Variants in CILK1 observed in about 807,000 individuals in gnomAD.
The protein encoded by CILK1 is ciliogenesis associated kinase 1.
CILK1 carries 47 observed loss-of-function variants against 79.2 expected under a neutral mutation model. The ratio of observed to expected loss-of-function variants is 0.59; its 90% CI spans 0.47 to 0.76. The LOEUF (loss-of-function observed/expected upper bound fraction) is 0.76, where lower values mean the gene tolerates loss of function less well. Among genes scored for constraint, CILK1 ranks in the 30% least tolerant of loss-of-function variants. The pLI is 0.00. For synonymous variants in CILK1, 266 were observed against 275.9 expected (o/e 0.96, Z 0.36); for missense variants, 660 against 769.5 (o/e 0.86, Z 1.68).
rs780177466 is a variant in CILK1 at position 53,013,781 on chromosome 6, G to A, written c.1033C>T (p.Leu345=). 27 of 1,614,046 alleles carry A rather than the reference G, an allele frequency of 1.7e-5. 1 individual carries two copies. Among genetic ancestry groups the A allele is most frequent in the South Asian group, 4.4e-5 (4 of 91,072 alleles). The change falls in exon 9 of 14, where the codon CTG becomes TTG. Residue 345 remains leucine, a synonymous_variant. Transcript: ENST00000676107. ...SRQHQASQPP[L]HLTYPYKAEV... is the part of the protein sequence containing the mutation. ...GCTTTGTAGGGGTACGTGAGATGCA[G>A]AGGGGGCTGGCTGGCTTGATGCTGT...
chr6:53,018,420 T>C lies in CILK1; in HGVS notation c.573A>G (p.Ala191=). Residue 191 remains alanine (A), a synonymous_variant, in exon 7 of 14, where the codon GCA becomes GCG. Coordinates refer to ENST00000676107, the MANE Select transcript of CILK1 (RefSeq NM_014920.5). ...IDVWAVGCIM[A]EVYTLRPLFP... ...AGAGTGGCCTGAGGGTGTAAACTTC[T>C]GCCATGATGCAGCCCACCGCCCAGA... 3 of 1,614,190 alleles carry C rather than the reference T, an allele frequency of 1.9e-6. No individual in the cohort carries two copies. The highest frequency in any genetic ancestry group is 2.2e-5 in the South Asian group (2 of 91,084).
At chr6:53,044,264 G>T (rs569529255) in intron 1 of CILK1, among the ~76,000 whole-genome samples, 173 of 152,122 alleles carry the variant, frequency 1.1e-3, no homozygotes, top group Admixed American at 2.0e-3. Flanking sequence ...CAGCAGCGGC[G>T]GCATTAGATT....
chr6:53,045,890 A>C (rs1767046371), intron 1 of CILK1, among the ~76,000 whole-genome samples: 1 of 152,014 alleles, frequency 6.6e-6, no homozygotes, highest in Admixed American at 6.6e-5. Flanking sequence ...TTTTTAAAGA[A>C]GGCTTTGCCC....
At position 53,019,276 on chromosome 6, in the gene CILK1, G is replaced by T; in HGVS notation, c.442C>A (p.Arg148=). Residue 148 remains arginine (R), a synonymous_variant, in exon 6 of 14, where the codon CGA becomes AGA. Transcript: ENST00000676107. ...LVKIADFGLA[R]EIRSKPPYTD... is the part of the protein sequence containing the mutation. ...TATGGAGGTTTTGATCGTATTTCTCGGGCCAAACCAAAGTCTGCAATTTTC... is the reference window on the plus strand; with the variant it reads ...TATGGAGGTTTTGATCGTATTTCTCTGGCCAAACCAAAGTCTGCAATTTTC... 6.2e-7 allele frequency: 1 copy of T among 1,613,878 alleles called. No individual in the cohort carries two copies. The highest frequency in any genetic ancestry group is 1.3e-5 in the African/African-American group (1 of 74,978).
chr6:53,040,831 T>C (rs1562035049), intron 2 of CILK1, among the ~76,000 whole-genome samples: 1 of 152,224 alleles, frequency 6.6e-6, no homozygotes, highest in South Asian at 2.1e-4. Flanking sequence ...TCTTATTTCT[T>C]AGAGTTTCAG....
chr6:53,048,023 A>C (rs1008471605), intron 1 of CILK1, among the ~76,000 whole-genome samples: 1 of 152,178 alleles, frequency 6.6e-6, no homozygotes, highest in Non-Finnish European at 1.5e-5. Flanking sequence ...TTGGGAACAC[A>C]GCATTCAGAC....
At chr6:53,013,225 A>G (rs1165653937) in intron 9 of CILK1, among the ~76,000 whole-genome samples, 1 of 152,248 alleles carries the variant, frequency 6.6e-6, no homozygotes, top group Non-Finnish European at 1.5e-5. Context: ...ACTAGGTGCC[A>G]GGTATTATTC....
At position 53,036,086 on chromosome 6, in the gene CILK1, G is replaced by A. The variant is rs913036519; in HGVS notation, c.156+1853C>T. Among the ~76,000 whole-genome samples the A allele has an allele frequency of 4.6e-5, 7 of 152,224 alleles. No individual in the cohort carries two copies. The South Asian group carries it at 1.5e-3, about 32-fold the overall frequency. ...TTTCTTCAACTATCTTGCCGAGGCA[G>A]TCACTTGCTTCCTAAGACACTATGT... On this transcript the variant is annotated intron_variant, in intron 3 of 13. Coordinates refer to ENST00000676107, the MANE Select transcript of CILK1 (RefSeq NM_014920.5).
intron 3 of CILK1, among the ~76,000 whole-genome samples, chr6:53,035,853 G>C (rs1766295674): frequency 6.6e-6 from 1 of 152,088 alleles, no homozygotes; most frequent in Non-Finnish European, 1.5e-5. Context: ...GAGGAATCTT[G>C]TAAGGTGCGC....
chr6:53,036,516 A>C (rs905464029), intron 3 of CILK1, among the ~76,000 whole-genome samples: 11 of 152,176 alleles, frequency 7.2e-5, no homozygotes, highest in Non-Finnish European at 1.5e-4. Flanking sequence ...CCCGGGTTCC[A>C]GCGATTCTCC....
In CILK1 at chr6:53,041,156, C is replaced by T; in HGVS notation, c.81G>A (p.Gly27=). 6.2e-7 allele frequency: 1 copy of T among 1,613,118 alleles called. No homozygotes were observed. The highest frequency in any genetic ancestry group is 8.5e-7 in the Non-Finnish European group (1 of 1,179,082). The stretch of plus-strand genomic sequence containing the variant: ...CTTACTTTTTAATAGCGATCAGCTC[C>T]CCAGACTCAATGCTTCTTCCCAGCA... The part of the protein sequence containing the change: ...SVLLGRSIES[G]ELIAIKKMKR... Residue 27 remains glycine, a synonymous_variant, in exon 2 of 14, where the codon GGG becomes GGA. Coordinates refer to ENST00000676107, the MANE Select transcript of CILK1 (RefSeq NM_014920.5).
chr6:53,059,421 A>C (rs1768227080), intron 1 of CILK1, among the ~76,000 whole-genome samples: 1 of 152,244 alleles, frequency 6.6e-6, no homozygotes, highest in African/African-American at 2.4e-5. Context: ...ATTGGAGATC[A>C]ATACAGCCAG....
intron 9 of CILK1, among the ~76,000 whole-genome samples, chr6:53,013,060 T>C (rs980824188): frequency 2.0e-5 from 3 of 152,210 alleles, no homozygotes; most frequent in Non-Finnish European, 4.4e-5. Context: ...CACAGCGCTT[T>C]ATGCTTTTCA....
intron 1 of CILK1, among the ~76,000 whole-genome samples, chr6:53,042,658 TAAAG>T (rs1193245056): frequency 6.6e-6 from 1 of 152,174 alleles, no homozygotes. Flanking sequence ...CTGCCTATAA[TAAAG>T]AAACTGTAGT....
intron 1 of CILK1, among the ~76,000 whole-genome samples, chr6:53,053,073 C>A (rs1767602436): frequency 6.7e-6 from 1 of 148,566 alleles, no homozygotes; most frequent in African/African-American, 2.5e-5. Flanking sequence ...AAACCTTATA[C>A]TTAAAGAAAA....
chr6:53,034,870 G>T (rs540359322), intron 3 of CILK1, among the ~76,000 whole-genome samples: 1 of 152,332 alleles, frequency 6.6e-6, no homozygotes, highest in South Asian at 2.1e-4. Context: ...TGACTTGAAG[G>T]AAGAGTGACA....
At chr6:53,034,051 G>GCTTA (rs1766148856) in intron 3 of CILK1, among the ~76,000 whole-genome samples, 1 of 152,186 alleles carries the variant, frequency 6.6e-6, no homozygotes, top group African/African-American at 2.4e-5. Context: ...TATAAACATT[G>GCTTA]CTTAACTTGT....
intron 3 of CILK1, among the ~76,000 whole-genome samples, chr6:53,035,036 C>G (rs1460984234): frequency 6.6e-6 from 1 of 152,136 alleles, no homozygotes; most frequent in African/African-American, 2.4e-5. Context: ...AAGACTTTGG[C>G]TGGAGAAGTG....
chr6:53,045,482 C>T (rs772861484), intron 1 of CILK1, among the ~76,000 whole-genome samples: 6 of 152,136 alleles, frequency 3.9e-5, no homozygotes, highest in Non-Finnish European at 7.4e-5. Context: ...ACTTTCAGTG[C>T]AGTATTCATT....
Sources: allele counts gnomAD v4.1 joint callset (sites outside exome capture counted in the v4.1 genomes callset), GRCh38; gene constraint gnomAD v4.1.1; transcripts MANE v1.5; gene names NCBI Gene and HGNC (gene_info 2026-07-23, HGNC 2026-07-21).